The following PHF24 variants were observed in gnomAD, a reference collection of about 807,000 sequenced individuals.
PHF24 encodes Galpha inhibitory interacting protein.
PHF24 carries 25 observed loss-of-function variants against 42.6 expected under a neutral mutation model. The ratio of observed to expected loss-of-function variants is 0.59; its 90% CI spans 0.43 to 0.82. The LOEUF (loss-of-function observed/expected upper bound fraction) is 0.82. PHF24 is among the 40% of genes least tolerant of loss of function. The pLI, the probability that PHF24 is intolerant of heterozygous loss-of-function variation, is 0.00. For synonymous variants in PHF24, 185 were observed against 204.8 expected, an observed-to-expected ratio of 0.90 and a Z score of 0.83; for missense variants, 470 against 538.1, an observed-to-expected ratio of 0.87 and a Z score of 1.25.
the PHF24 span, among the ~76,000 whole-genome samples, chr9:34,732,933 T>C: frequency 6.6e-6 from 1 of 152,238 alleles, no homozygotes; most frequent in South Asian, 2.1e-4. Context: ...TTCAATCCTA[T>C]ATCCGTGGAT....
At chr9:34,834,479 G>A in the PHF24 span, 2 of 1,551,858 alleles carry the variant, frequency 1.3e-6, no homozygotes, top group Non-Finnish European at 1.7e-6. Context: ...GATCTTCTGA[G>A]GCAGGCCCCA....
the PHF24 span, chr9:34,838,219 A>G: frequency 1.6e-6 from 1 of 607,900 alleles, no homozygotes; most frequent in East Asian, 2.8e-5. Flanking sequence ...AAGACTATAT[A>G]AAAGTAACTA....
chr9:34,900,741 C>T, the PHF24 span, among the ~76,000 whole-genome samples: 3 of 152,064 alleles, frequency 2.0e-5, no homozygotes, highest in Non-Finnish European at 4.4e-5. Flanking sequence ...GAGGTGGGGC[C>T]TTTTGGGAGG....
chr9:34,809,051 AAT>A, the PHF24 span, among the ~76,000 whole-genome samples: 2 of 7,772 alleles, frequency 2.6e-4, no homozygotes, highest in African/African-American at 1.2e-3. The surrounding 1 kb of genome is among the most constrained non-coding windows in gnomAD (Gnocchi z 4.1). Flanking sequence ...AAAAAAAAAT[AAT>A]AAATAAATAA....
chr9:34,908,391 A>T, the PHF24 span, among the ~76,000 whole-genome samples: 1 of 152,240 alleles, frequency 6.6e-6, no homozygotes, highest in African/African-American at 2.4e-5. Context: ...AGAAAAAAAA[A>T]TCCCTCTGGG....
At chr9:34,691,246 T>C in the PHF24 span, 1 of 904,990 alleles carries the variant, frequency 1.1e-6, no homozygotes, top group Non-Finnish European at 1.7e-6. Flanking sequence ...AGGGGTGAAA[T>C]GCAAGGTGTG....
chr9:34,938,718 A>C, the PHF24 span, among the ~76,000 whole-genome samples: 4 of 151,010 alleles, frequency 2.6e-5, no homozygotes, highest in Admixed American at 2.6e-4. Context: ...TCACGAGGAC[A>C]GGAGATCAAG....
chr9:34,722,016 C>T, the PHF24 span, among the ~76,000 whole-genome samples: 1 of 152,188 alleles, frequency 6.6e-6, no homozygotes, highest in Non-Finnish European at 1.5e-5. Flanking sequence ...AGGGCCTACT[C>T]CTTAGATGTC....
the PHF24 span, among the ~76,000 whole-genome samples, chr9:34,765,170 T>C: frequency 4.7e-4 from 71 of 152,172 alleles, no homozygotes; most frequent in African/African-American, 1.6e-3. Flanking sequence ...AAAAAATGTA[T>C]ATTCTGTTGA....
the PHF24 span, among the ~76,000 whole-genome samples, chr9:34,777,861 T>G: frequency 1.3e-5 from 2 of 152,172 alleles, no homozygotes; most frequent in African/African-American, 4.8e-5. Flanking sequence ...CCTGGAGCAG[T>G]GTCATTTCAC....
At chr9:34,721,626 G>T in the PHF24 span, among the ~76,000 whole-genome samples, 2 of 152,092 alleles carry the variant, frequency 1.3e-5, no homozygotes, top group Non-Finnish European at 2.9e-5. Context: ...GGCCAGGCTG[G>T]TCTCGAACTC....
the PHF24 span, among the ~76,000 whole-genome samples, chr9:34,705,197 A>C: frequency 4.3e-3 from 652 of 152,254 alleles, 6 homozygotes; most frequent in African/African-American, 0.015. Flanking sequence ...ATTTGATTTT[A>C]TGCTTTGTAT....
chr9:34,689,674 A>G, the PHF24 span: 2 of 878,570 alleles, frequency 2.3e-6, no homozygotes, highest in African/African-American at 1.7e-5. The surrounding 1 kb of genome is among the most constrained non-coding windows in gnomAD (Gnocchi z 4.1). Flanking sequence ...ACACTCACAC[A>G]CACCCCAGGC....
chr9:34,747,805 C>T, the PHF24 span, among the ~76,000 whole-genome samples: 1 of 152,112 alleles, frequency 6.6e-6, no homozygotes, highest in East Asian at 1.9e-4. Context: ...TAGATTTATA[C>T]TCAAGAGAAA....
chr9:34,857,993 A>G, the PHF24 span, among the ~76,000 whole-genome samples: 1 of 110,570 alleles, frequency 9.0e-6, no homozygotes, highest in African/African-American at 3.5e-5. Context: ...TTTTTTTGAC[A>G]TTTGCTGAGC....
the PHF24 span, among the ~76,000 whole-genome samples, chr9:34,727,839 A>G: frequency 6.6e-6 from 1 of 152,170 alleles, no homozygotes; most frequent in Admixed American, 6.5e-5. Flanking sequence ...TGGGCAGCTC[A>G]TCTCTCCTGA....
the PHF24 span, among the ~76,000 whole-genome samples, chr9:34,892,396 T>G: frequency 6.6e-6 from 1 of 152,204 alleles, no homozygotes; most frequent in Non-Finnish European, 1.5e-5. Flanking sequence ...AATGGCTGTT[T>G]GTCTGTCTGT....
the PHF24 span, among the ~76,000 whole-genome samples, chr9:34,843,008 C>G: frequency 4.6e-5 from 7 of 152,134 alleles, no homozygotes; most frequent in Admixed American, 6.5e-5. Flanking sequence ...CTGTGTCATC[C>G]ATTTTTATGG....
the PHF24 span, among the ~76,000 whole-genome samples, chr9:34,692,864 GCAAC>G: frequency 6.8e-6 from 1 of 147,208 alleles, no homozygotes; most frequent in Non-Finnish European, 1.5e-5. Context: ...TTGGCTCAGA[GCAAC>G]CTCCACCTCC....
Sources: allele counts gnomAD v4.1 joint callset (sites outside exome capture counted in the v4.1 genomes callset), GRCh38; gene constraint gnomAD v4.1.1; non-coding constraint Gnocchi (gnomAD v3.1); transcripts MANE v1.5; gene names NCBI Gene and HGNC (gene_info 2026-07-23, HGNC 2026-07-21).